Variants in NTRK2 observed in about 807,000 individuals in gnomAD.
NTRK2 encodes the protein BDNF/NT-3 growth factors receptor.
A neutral mutation model predicts 94.5 loss-of-function variants in NTRK2; 13 were observed. The ratio of observed to expected loss-of-function variants is 0.14; its 90% CI spans 0.09 to 0.22. The LOEUF (loss-of-function observed/expected upper bound fraction) is 0.22, where lower values mean the gene tolerates loss of function less well. Among genes scored for constraint, NTRK2 ranks in the 10% least tolerant of loss-of-function variants. NTRK2 has a pLI of 1.00. For missense variants in NTRK2, 639 were observed against 1,071.2 expected, an observed-to-expected ratio of 0.60 and a Z score of 5.63; for synonymous variants, 372 against 407.4, an observed-to-expected ratio of 0.91 and a Z score of 1.05.
chr9:84,797,969 G>A (rs1276504297), intron 12 of NTRK2, among the ~76,000 whole-genome samples: 2 of 145,506 alleles, frequency 1.4e-5, no homozygotes, highest in Non-Finnish European at 3.0e-5. Flanking sequence ...GCAGTAGTGT[G>A]TTCAGGACTC....
intron 12 of NTRK2, among the ~76,000 whole-genome samples, chr9:84,831,280 A>G (rs2073529516): frequency 6.6e-6 from 1 of 152,224 alleles, no homozygotes; most frequent in South Asian, 2.1e-4. Context: ...ATATTGGCAC[A>G]GTCACACCAG....
intron 17 of NTRK2, among the ~76,000 whole-genome samples, chr9:85,013,252 G>T (rs1194072061): frequency 6.6e-6 from 1 of 152,188 alleles, no homozygotes; most frequent in Non-Finnish European, 1.5e-5. Context: ...CGTGGTCATT[G>T]TCTGGCCACA....
rs116810793 is a variant in NTRK2 at position 84,765,252 on chromosome 9, C to T, written c.1396+13167C>T. Among the ~76,000 whole-genome samples the T allele has an allele frequency of 8.0e-3, 1,217 of 152,214 alleles. 21 individuals are homozygous for T. The highest frequency in any genetic ancestry group is 0.027 in the African/African-American group (1,131 of 41,532). ...GGATAAATGCTTGAGGGGATAAATA[C>T]CCCATTCTTCATGATGTGCTTATTT... On this transcript the variant is annotated intron_variant, in intron 12 of 18. Coordinates refer to ENST00000277120, the MANE Select transcript of NTRK2 (RefSeq NM_006180.6).
intron 15 of NTRK2, among the ~76,000 whole-genome samples, chr9:84,935,847 T>C (rs2078196633): frequency 6.6e-6 from 1 of 152,246 alleles, no homozygotes; most frequent in African/African-American, 2.4e-5. Context: ...GTTTTCTTCT[T>C]ACTGTATCTT....
intron 17 of NTRK2, among the ~76,000 whole-genome samples, chr9:84,968,697 T>C (rs949148898): frequency 1.3e-5 from 2 of 152,212 alleles, no homozygotes; most frequent in African/African-American, 4.8e-5. Flanking sequence ...CTTCTCATCT[T>C]AGTAAAATGG....
chr9:84,801,028 G>A (rs1411416281), intron 12 of NTRK2, among the ~76,000 whole-genome samples: 5 of 152,220 alleles, frequency 3.3e-5, no homozygotes, highest in Admixed American at 2.0e-4. Flanking sequence ...CAATTGATGT[G>A]ATCATTTGCA....
chr9:84,710,800 T>C lies in NTRK2; in HGVS notation c.583+9T>C, dbSNP rs771612427. Reference sequence around the variant, plus strand: ...GCAGATACCCAATTGTGGTAATTTATTTTTAAATCAATGTGTTCTAGTTGC... The same window carrying C: ...GCAGATACCCAATTGTGGTAATTTACTTTTAAATCAATGTGTTCTAGTTGC... On this transcript the variant is annotated intron_variant, in intron 6 of 18. Transcript: ENST00000277120. The C allele has an allele frequency of 6.2e-7, 1 of 1,613,982 alleles. No individual in the cohort carries two copies. Among genetic ancestry groups the C allele is most frequent in the East Asian group, 2.2e-5 (1 of 44,872 alleles).
At chr9:85,014,425 C>T (rs544214674) in intron 17 of NTRK2, among the ~76,000 whole-genome samples, 2 of 152,320 alleles carry the variant, frequency 1.3e-5, no homozygotes, top group Admixed American at 6.5e-5. Context: ...AGAACCTAGC[C>T]TGTCAGCATG....
intron 14 of NTRK2, among the ~76,000 whole-genome samples, chr9:84,892,651 T>C (rs571236588): frequency 8.4e-4 from 128 of 152,386 alleles, no homozygotes; most frequent in Non-Finnish European, 1.4e-3. Flanking sequence ...CTGGGCACAG[T>C]GGCTCACGCC....
At chr9:84,919,160 C>T (rs1405244340) in intron 14 of NTRK2, among the ~76,000 whole-genome samples, 1 of 152,136 alleles carries the variant, frequency 6.6e-6, no homozygotes, top group East Asian at 1.9e-4. Flanking sequence ...TTTTTAAGAT[C>T]CCTACTTTGC....
intron 4 of NTRK2, among the ~76,000 whole-genome samples, chr9:84,707,276 A>C (rs183701251): frequency 6.6e-6 from 1 of 152,158 alleles, no homozygotes; most frequent in Non-Finnish European, 1.5e-5. Flanking sequence ...CTTGTTACCT[A>C]ATTTTTGTTT....
In NTRK2 at chr9:84,810,760, G is replaced by A. The variant is rs565166695; in HGVS notation, c.1397-50280G>A. On this transcript the variant is annotated intron_variant, in intron 12 of 18. Transcript: ENST00000277120. ...TATATGAAGCCTGCATATACTGTGA[G>A]CTGTGATTGGGGAACACCAATGCAG... is the stretch of plus-strand genomic sequence containing the variant. The A allele has an allele frequency of 4.0e-5, 59 of 1,457,972 alleles. 1 individual carries two copies. In the South Asian group the frequency reaches 8.6e-4, roughly 21 times the overall value. The allele number at this position is 1,457,972 out of a possible 1,614,324, so 90.3% of individuals were successfully genotyped here. A position where few individuals can be genotyped will look rare whatever the true frequency, so the allele number is the denominator to read the frequency against.
chr9:84,904,195 T>G (rs2132426191), intron 14 of NTRK2, among the ~76,000 whole-genome samples: 1 of 152,346 alleles, frequency 6.6e-6, no homozygotes, highest in South Asian at 2.1e-4. Context: ...CTTTAATGCA[T>G]TCCTCTAGGA....
chr9:84,877,768 T>C (rs1253458150), intron 14 of NTRK2: 1 of 1,055,720 alleles, frequency 9.5e-7, no homozygotes, highest in Non-Finnish European at 1.1e-6. Flanking sequence ...TATGTATGAG[T>C]GACCAATGGA....
intron 11 of NTRK2, among the ~76,000 whole-genome samples, chr9:84,748,227 A>T (rs2064268473): frequency 1.3e-5 from 2 of 152,198 alleles, no homozygotes. Context: ...TGTAAAAACC[A>T]CCTCAACACA....
intron 12 of NTRK2, among the ~76,000 whole-genome samples, chr9:84,823,172 C>T (rs1380921302): frequency 1.3e-5 from 2 of 152,072 alleles, no homozygotes. Flanking sequence ...GCTGTAGCTA[C>T]CCTTTTATTT....
intron 12 of NTRK2, among the ~76,000 whole-genome samples, chr9:84,795,057 A>C (rs2069149844): frequency 6.6e-6 from 1 of 152,126 alleles, no homozygotes; most frequent in African/African-American, 2.4e-5. Flanking sequence ...TGTCCACGAC[A>C]GAGAGCTTCA....
At chr9:84,827,083 A>G (rs935743298) in intron 12 of NTRK2, among the ~76,000 whole-genome samples, 1 of 151,580 alleles carries the variant, frequency 6.6e-6, no homozygotes, top group Non-Finnish European at 1.5e-5. Context: ...TATAATCCTT[A>G]AAGAATATCA....
intron 14 of NTRK2, among the ~76,000 whole-genome samples, chr9:84,909,737 G>A (rs376725941): frequency 5.9e-5 from 9 of 152,156 alleles, no homozygotes; most frequent in African/African-American, 2.2e-4. Flanking sequence ...ATGGTGAAAT[G>A]TCATCTCTTC....
Sources: allele counts gnomAD v4.1 joint callset (sites outside exome capture counted in the v4.1 genomes callset), GRCh38; gene constraint gnomAD v4.1.1; transcripts MANE v1.5; gene names NCBI Gene and HGNC (gene_info 2026-07-23, HGNC 2026-07-21).